The following FGF7 variants were observed in gnomAD, a reference collection of about 807,000 sequenced individuals.
FGF7 encodes the protein FGF-7.
In FGF7, 6 loss-of-function variants were observed where a neutral mutation model predicts 20.5. The observed-to-expected ratio is 0.29, with a 90% CI of 0.16 to 0.58. The LOEUF (loss-of-function observed/expected upper bound fraction) is 0.58, where lower values mean the gene tolerates loss of function less well. Among genes scored for constraint, FGF7 ranks in the 20% least tolerant of loss-of-function variants. The pLI is 0.90. For missense variants in FGF7, 144 were observed against 228.8 expected, an observed-to-expected ratio of 0.63 and a Z score of 2.39; for synonymous variants, 64 against 74.7, an observed-to-expected ratio of 0.86 and a Z score of 0.74.
At chr15:49,479,504 C>T (rs1053686991) in intron 2 of FGF7, among the ~76,000 whole-genome samples, 2 of 150,674 alleles carry the variant, frequency 1.3e-5, no homozygotes, top group African/African-American at 4.9e-5. Flanking sequence ...TGGTAACTAA[C>T]TTAATATCTG....
chr15:49,464,766 A>G (rs1216789017), intron 2 of FGF7, among the ~76,000 whole-genome samples: 2 of 152,206 alleles, frequency 1.3e-5, no homozygotes, highest in African/African-American at 4.8e-5. Context: ...AACACATAGT[A>G]TCTCCGTGTA....
chr15:49,462,173 GTGAGGATCTGGGATGACTTA>G (rs2053858457), intron 2 of FGF7, among the ~76,000 whole-genome samples: 1 of 152,144 alleles, frequency 6.6e-6, no homozygotes, highest in African/African-American at 2.4e-5. Flanking sequence ...GGAGAAATGT[GTGAGGATCTGGGATGACTTA>G]GGAGGATCTG....
intron 2 of FGF7, among the ~76,000 whole-genome samples, chr15:49,434,860 TTAATA>T: frequency 6.6e-6 from 1 of 151,578 alleles, no homozygotes; most frequent in African/African-American, 2.4e-5. Context: ...TAATAATTAA[TTAATA>T]AAAAAGAGAA....
Position 49,424,590 on chromosome 15 carries a change from A to G in FGF7, c.286+7A>G. 6.4e-7 allele frequency: 1 copy of G among 1,558,112 alleles called. No individual in the cohort carries two copies. Among genetic ancestry groups the G allele is most frequent in the Non-Finnish European group, 8.7e-7 (1 of 1,150,726 alleles). On this transcript the variant is annotated splice_region_variant and intron_variant, in intron 2 of 3. Transcript: ENST00000267843. ...GAGATGAAGAATAATTACAGTAAGT[A>G]ATTTTAAGTACTGCTCATGAACCTT... is the stretch of plus-strand genomic sequence containing the variant.
chr15:49,465,082 C>T (rs896002517), intron 2 of FGF7, among the ~76,000 whole-genome samples: 18 of 151,974 alleles, frequency 1.2e-4, no homozygotes, highest in African/African-American at 3.9e-4. Flanking sequence ...AGAACAGAGG[C>T]TTGGATAACT....
At chr15:49,452,755 G>A (rs747867232) in intron 2 of FGF7, among the ~76,000 whole-genome samples, 24 of 152,054 alleles carry the variant, frequency 1.6e-4, no homozygotes, top group Non-Finnish European at 2.9e-4. Context: ...TAATCTATGT[G>A]CTTACAAGAT....
chr15:49,469,858 A>G (rs959999756), intron 2 of FGF7, among the ~76,000 whole-genome samples: 6 of 152,156 alleles, frequency 3.9e-5, no homozygotes, highest in African/African-American at 1.4e-4. Flanking sequence ...CTAAGAAGTC[A>G]TAATGATAAG....
chr15:49,471,415 G>A lies in FGF7; in HGVS notation c.287-11736G>A, dbSNP rs764993986. 1.3e-4 allele frequency among the ~76,000 whole-genome samples: 20 copies of A among 151,198 alleles called. 1 individual carries two copies. The highest frequency in any genetic ancestry group is 2.7e-4 in the Non-Finnish European group (18 of 67,842). On this transcript the variant is annotated intron_variant, in intron 2 of 3. Coordinates refer to ENST00000267843, the MANE Select transcript of FGF7 (RefSeq NM_002009.4). ...GGAGAATTGCTTGAACCTGAGAGGC[G>A]GAGGTTGTAGTGCACCTAGATGGCG...
chr15:49,468,496 C>T (rs2054462233), intron 2 of FGF7, among the ~76,000 whole-genome samples: 2 of 152,102 alleles, frequency 1.3e-5, no homozygotes, highest in Non-Finnish European at 2.9e-5. Context: ...ACAGGGCATG[C>T]TTTCTTAGGG....
At chr15:49,457,003 T>C (rs891799453) in intron 2 of FGF7, among the ~76,000 whole-genome samples, 1 of 152,086 alleles carries the variant, frequency 6.6e-6, no homozygotes, top group Admixed American at 6.6e-5. Context: ...ATCACAGAGC[T>C]AGTGAGTGGA....
chr15:49,443,948 G>A (rs1456140071), intron 2 of FGF7, among the ~76,000 whole-genome samples: 14 of 151,538 alleles, frequency 9.2e-5, no homozygotes. Flanking sequence ...TTTACATCAT[G>A]CTTCTACATA....
chr15:49,468,118 TC>T (rs2151953504), intron 2 of FGF7, among the ~76,000 whole-genome samples: 1 of 152,308 alleles, frequency 6.6e-6, no homozygotes, highest in African/African-American at 2.4e-5. Flanking sequence ...TGTTTTATTT[TC>T]TTAATAAATC....
intron 2 of FGF7, among the ~76,000 whole-genome samples, chr15:49,460,668 GA>G (rs1231830754): frequency 6.6e-6 from 1 of 151,874 alleles, no homozygotes; most frequent in African/African-American, 2.4e-5. Context: ...ATTATAGTCT[GA>G]AAAAAATAGG....
chr15:49,462,645 A>G (rs2053909310), intron 2 of FGF7, among the ~76,000 whole-genome samples: 1 of 152,214 alleles, frequency 6.6e-6, no homozygotes, highest in South Asian at 2.1e-4. Flanking sequence ...AGAAGAGGAA[A>G]GCTAACTCAC....
chr15:49,457,560 C>G (rs981862113), intron 2 of FGF7, among the ~76,000 whole-genome samples: 5 of 151,838 alleles, frequency 3.3e-5, no homozygotes, highest in Admixed American at 6.6e-5. Context: ...CCTTAGAGAA[C>G]AGAAACTTTT....
chr15:49,455,694 A>G (rs1249097964), intron 2 of FGF7, among the ~76,000 whole-genome samples: 1 of 152,188 alleles, frequency 6.6e-6, no homozygotes, highest in Non-Finnish European at 1.5e-5. Flanking sequence ...TAAATAAGTG[A>G]TTTTGGTGTT....
chr15:49,427,777 A>G (rs1597120668), intron 2 of FGF7, among the ~76,000 whole-genome samples: 1 of 151,966 alleles, frequency 6.6e-6, no homozygotes, highest in South Asian at 2.1e-4. Context: ...CAGGAGAAGT[A>G]AAATATCTAG....
At chr15:49,475,636 C>T (rs1454887852) in intron 2 of FGF7, among the ~76,000 whole-genome samples, 1 of 151,868 alleles carries the variant, frequency 6.6e-6, no homozygotes, top group Non-Finnish European at 1.5e-5. Context: ...CATCTAAAAA[C>T]AATTTGATAT....
chr15:49,468,210 G>A (rs893850176), intron 2 of FGF7, among the ~76,000 whole-genome samples: 20 of 152,036 alleles, frequency 1.3e-4, no homozygotes, highest in African/African-American at 4.8e-4. Context: ...AAATATATAT[G>A]GGATTAATAA....
Sources: gnomAD v4.1 joint callset for allele counts (sites outside exome capture counted in the v4.1 genomes callset) on GRCh38, gnomAD v4.1.1 for gene constraint, MANE v1.5 for transcripts, NCBI Gene and HGNC (gene_info 2026-07-23, HGNC 2026-07-21) for gene names.